STAR: variants seen among roughly 807,000 people sequenced by gnomAD.
The protein encoded by STAR is steroidogenic acute regulatory protein.
STAR carries 32 observed loss-of-function variants against 32.3 expected under a neutral mutation model. The observed-to-expected ratio is 0.99, with a 90% CI of 0.75 to 1.33. STAR has a LOEUF of 1.33. Among genes scored for constraint, STAR ranks in the 40% most tolerant of loss-of-function variants. The pLI, the probability that STAR is intolerant of heterozygous loss-of-function variation, is 0.00. For missense variants in STAR, 375 were observed against 379.0 expected, an observed-to-expected ratio of 0.99 and a Z score of 0.09; for synonymous variants, 134 against 140.5, an observed-to-expected ratio of 0.95 and a Z score of 0.33.
chr8:38,144,056 A>G lies in STAR; in HGVS notation c.*217T>C. 1 of 557,252 alleles carries G rather than the reference A, an allele frequency of 1.8e-6. No homozygotes were observed. 34.5% of individuals were successfully genotyped at this position (557,252 alleles called of 1,614,324 possible). Reference sequence around the variant, plus strand: ...ACCCTCATGTCATAGCTAATCAGTGAATGAAGTTACCTTTTAATCCAAGAG... The same window carrying G: ...ACCCTCATGTCATAGCTAATCAGTGGATGAAGTTACCTTTTAATCCAAGAG... On this transcript the variant is annotated 3_prime_UTR_variant, in exon 7 of 7. Transcript: ENST00000276449.
chr8:38,147,777 T>C (rs761709744), intron 3 of STAR, among the ~76,000 whole-genome samples: 5 of 152,230 alleles, frequency 3.3e-5, no homozygotes, highest in Admixed American at 1.3e-4. Flanking sequence ...CATGGACCAC[T>C]CTGTGTTCTA....
intron 3 of STAR, 93 bp downstream of exon 3, chr8:38,148,107 G>T: frequency 6.4e-7 from 1 of 1,565,764 alleles, no homozygotes; most frequent in Non-Finnish European, 8.7e-7. Flanking sequence ...ACTGCTGCAT[G>T]AGACAGGAAT....
chr8:38,150,910 C>T lies in STAR; in HGVS notation c.-92G>A. 3.1e-6 allele frequency: 5 copies of T among 1,598,480 alleles called. No homozygotes were observed. Among genetic ancestry groups the T allele is most frequent in the Non-Finnish European group, 3.4e-6 (4 of 1,179,556 alleles). On this transcript the variant is annotated 5_prime_UTR_variant, in exon 1 of 7. Transcript: ENST00000276449. ...CTTCTCTCAAGGGTGGTTCTTCGTC[C>T]TTCCTGAGCCCCTCAAGCTTCGCCT...
At chr8:38,148,444 G>T in intron 2 of STAR, 117 bp from the exon 3 acceptor site, 1 of 1,531,142 alleles carries the variant, frequency 6.5e-7, no homozygotes, top group East Asian at 2.4e-5. Flanking sequence ...AAAGCCATAG[G>T]GGCCAGCCTG....
chr8:38,145,613 A>G, intron 5 of STAR: 1 of 558,456 alleles, frequency 1.8e-6, no homozygotes, highest in South Asian at 2.0e-5. Context: ...GCCTTGGGAA[A>G]TTCAGGAGGC....
At position 38,150,807 on chromosome 8, in the gene STAR, C is replaced by T. The variant is rs1171597557; in HGVS notation, c.12G>A (p.Ala4=). 2.5e-6 allele frequency: 4 copies of T among 1,606,266 alleles called. No homozygotes were observed. The highest frequency in any genetic ancestry group is 1.6e-4 in the Middle Eastern group (1 of 6,062). ...AGCTCCCAGCGCACAGCTTGAATGT[C>T]GCTAGCAGCATTGTTTCCTGGCAAA... MLL[A]TFKLCAGSSY... The change falls in exon 1 of 7, where the codon GCG becomes GCA. Residue 4 remains alanine (A), a synonymous_variant. Coordinates refer to ENST00000276449, the MANE Select transcript of STAR (RefSeq NM_000349.3).
rs779586809 is a variant in STAR at position 38,148,655 on chromosome 8, C to G, written c.164G>C (p.Arg55Pro). The change falls in exon 2 of 7, where the codon CGG becomes CCG. Residue 55 changes from arginine to proline, a missense_variant. Coordinates refer to ENST00000276449, the MANE Select transcript of STAR (RefSeq NM_000349.3). ...TCAGCACTTACCGAGTAGAGAGCTC[C>G]GCCGCCGAACCTGGTTAATCCACGT... is the stretch of plus-strand genomic sequence containing the variant. ...PSTWINQVRR[R>P]SSLLGSRLEE... 1.2e-6 allele frequency: 2 copies of G among 1,614,100 alleles called. No individual in the cohort carries two copies. Among genetic ancestry groups the G allele is most frequent in the Non-Finnish European group, 1.7e-6 (2 of 1,180,016 alleles).
At position 38,143,433 on chromosome 8, in the gene STAR, A is replaced by T. The variant is rs1280610998; in HGVS notation, c.*840T>A. On this transcript the variant is annotated 3_prime_UTR_variant, in exon 7 of 7. Coordinates refer to ENST00000276449, the MANE Select transcript of STAR (RefSeq NM_000349.3). ...GTGATTCCCCTGCCTCAGCCTCCCA[A>T]GTAGCTACGACTACAGGTTTGCGCC... Among the ~76,000 whole-genome samples, 1 of 151,878 alleles carries T rather than the reference A, an allele frequency of 6.6e-6. No homozygotes were observed. Among genetic ancestry groups the T allele is most frequent in the Non-Finnish European group, 1.5e-5 (1 of 68,012 alleles).
At position 38,148,342 on chromosome 8, in the gene STAR, G is replaced by A. The variant is rs376941657; in HGVS notation, c.179-15C>T. 14 of 1,613,652 alleles carry A rather than the reference G, an allele frequency of 8.7e-6. No individual in the cohort carries two copies. The highest frequency in any genetic ancestry group is 3.3e-5 in the Admixed American group (2 of 59,960). On this transcript the variant is annotated splice_polypyrimidine_tract_variant and intron_variant, in intron 2 of 6. Coordinates refer to ENST00000276449, the MANE Select transcript of STAR (RefSeq NM_000349.3). Reference sequence around the variant, plus strand: ...CAGCCGAGAACCTGGATACACAGCCGAGGAGAGACAGAGCTTCCTTCTTCT... The same window carrying A: ...CAGCCGAGAACCTGGATACACAGCCAAGGAGAGACAGAGCTTCCTTCTTCT...
At chr8:38,144,635 A>T (rs1802530814) in intron 6 of STAR, 1 of 1,320,172 alleles carries the variant, frequency 7.6e-7, no homozygotes, top group Non-Finnish European at 9.7e-7. Flanking sequence ...TGAACCAGTT[A>T]TGTTGCCTTT....
At chr8:38,149,003 A>G (rs1327969264) in intron 1 of STAR, 2 of 527,398 alleles carry the variant, frequency 3.8e-6, no homozygotes, top group South Asian at 2.1e-5. Context: ...GAGATGGGCT[A>G]TACCAGAGCC....
rs891277963 is a variant in STAR, at chr8:38,144,137, A to G, written c.*136T>C. 2 of 889,714 alleles carry G rather than the reference A, an allele frequency of 2.2e-6. No homozygotes were observed. Among genetic ancestry groups the G allele is most frequent in the South Asian group, 1.4e-5 (1 of 70,618 alleles). 55.1% of individuals were successfully genotyped at this position (889,714 alleles called of 1,614,324 possible). ...TTTCACCAATCTGAATCCTAGTGTC[A>G]TACTCTAAACACGAACCCCACCCAT... is the stretch of plus-strand genomic sequence containing the variant. On this transcript the variant is annotated 3_prime_UTR_variant, in exon 7 of 7. Coordinates refer to ENST00000276449, the MANE Select transcript of STAR (RefSeq NM_000349.3).
Position 38,144,243 on chromosome 8 carries a change from TG to T in STAR, c.*29del. 6.3e-7 allele frequency: 1 copy of T among 1,587,792 alleles called. No individual in the cohort carries two copies. The highest frequency in any genetic ancestry group is 8.6e-7 in the Non-Finnish European group (1 of 1,166,332). ...TGATGAGCGTGTGTACCAGTGCAGC[TG>T]GGCACAGTTGGGAACAGCAGGCTGG... On this transcript the variant is annotated 3_prime_UTR_variant, in exon 7 of 7. Transcript: ENST00000276449.
At chr8:38,146,498 C>G in intron 3 of STAR, 51 bp from the exon 4 acceptor site, 1 of 1,596,144 alleles carries the variant, frequency 6.3e-7, no homozygotes, top group South Asian at 1.1e-5. Flanking sequence ...ATATTCTTGG[C>G]CGGGCATGGT....
chr8:38,146,058 C>T lies in STAR; in HGVS notation c.555G>A (p.Val185=), dbSNP rs978835649. 8 of 1,614,246 alleles carry T rather than the reference C, an allele frequency of 5.0e-6. No homozygotes were observed. Among genetic ancestry groups the T allele is most frequent in the Non-Finnish European group, 5.9e-6 (7 of 1,180,044 alleles). The change falls in exon 5 of 7, where the codon GTG becomes GTA. Residue 185 remains valine, a synonymous_variant. Transcript: ENST00000276449. Reference sequence around the variant, plus strand: ...CTCGGCGCTTGGCACAGCGCACGCTCACAAAGTCACGGGGCCCCACCAGGT... The same window carrying T: ...CTCGGCGCTTGGCACAGCGCACGCTTACAAAGTCACGGGGCCCCACCAGGT... ...AGNLVGPRDF[V]SVRCAKRRGS... is the part of the protein sequence containing the mutation.
chr8:38,145,091 C>A, intron 6 of STAR, 131 bp downstream of exon 6: 1 of 1,538,612 alleles, frequency 6.5e-7, no homozygotes, highest in Non-Finnish European at 8.7e-7. Flanking sequence ...TCACTCCAGA[C>A]CCTTCCCTGT....
rs58625015 is a variant in STAR at position 38,146,781 on chromosome 8, T to TTATA, written c.307-338_307-335dup. Among the ~76,000 whole-genome samples the TTATA allele has an allele frequency of 5.3e-3, 764 of 144,776 alleles. 5 individuals carry two copies. Among genetic ancestry groups the TTATA allele is most frequent in the East Asian group, 0.015 (73 of 4,944 alleles). 95.0% of individuals were successfully genotyped at this position (144,776 alleles called of 152,430 possible). The stretch of plus-strand genomic sequence containing the variant: ...CAGAGTTGTCTCAAAAAAAAAAATT[T>TTATA]TATATATATATATATATTCTTAGTC... On this transcript the variant is annotated intron_variant, in intron 3 of 6. Transcript: ENST00000276449.
rs72556519 is a variant in STAR, at chr8:38,144,500, G to T, written c.745-114C>A. On this transcript the variant is annotated intron_variant, in intron 6 of 6. Transcript: ENST00000276449. ...CTTGGTCTTCGAGCTCTGTTAATAG[G>T]TGCAGCCTTGGAGTTGCCCAGTCAA... is the stretch of plus-strand genomic sequence containing the variant. 28 of 1,523,912 alleles carry T rather than the reference G, an allele frequency of 1.8e-5. No homozygotes were observed. The African/African-American group carries it at 3.7e-4, about 20-fold the overall frequency. 94.4% of individuals were successfully genotyped at this position (1,523,912 alleles called of 1,614,324 possible). A position where few individuals can be genotyped will look rare whatever the true frequency, so the allele number is the denominator to read the frequency against.
rs550388651 is a variant in STAR, at chr8:38,148,662, G to C, written c.157C>G (p.Arg53Gly). Residue 53 changes from arginine to glycine, a missense_variant, in exon 2 of 7, where the codon CGG (arginine) becomes GGG (glycine). Transcript: ENST00000276449. ...TTACCGAGTAGAGAGCTCCGCCGCC[G>C]AACCTGGTTAATCCACGTGCTAGGG... ...PTPSTWINQV[R>G]RRSSLLGSRL... The C allele has an allele frequency of 6.1e-5, 98 of 1,614,102 alleles. No individual in the cohort carries two copies. Among genetic ancestry groups the C allele is most frequent in the Admixed American group, 3.2e-4 (19 of 60,024 alleles).
Sources: gnomAD v4.1 joint callset for allele counts (sites outside exome capture counted in the v4.1 genomes callset) on GRCh38, gnomAD v4.1.1 for gene constraint, MANE v1.5 for transcripts, NCBI Gene and HGNC (gene_info 2026-07-23, HGNC 2026-07-21) for gene names.